RAP1A: variants seen among roughly 807,000 people sequenced by gnomAD.
RAP1A encodes the protein ras-related protein Rap-1A.
In RAP1A, 6 loss-of-function variants were observed where a neutral mutation model predicts 26.4. The observed-to-expected ratio is 0.23, with a 90% CI of 0.12 to 0.45. The LOEUF (loss-of-function observed/expected upper bound fraction) is 0.45. RAP1A is among the 20% of genes least tolerant of loss of function. The probability of loss-of-function intolerance (pLI) is 0.99; values close to 1 mark genes in which losing one functional copy is unlikely to be tolerated. For missense variants in RAP1A, 121 were observed against 217.2 expected (o/e 0.56, Z 2.78); for synonymous variants, 73 against 79.4 (o/e 0.92, Z 0.43).
intron 1 of RAP1A, among the ~76,000 whole-genome samples, chr1:111,689,733 G>C (rs1008724327): frequency 6.6e-6 from 1 of 151,972 alleles, no homozygotes; most frequent in African/African-American, 2.4e-5. Flanking sequence ...GCAGTGGCGC[G>C]ATCTCAGCTC....
rs59053038 is a variant in RAP1A, at chr1:111,632,921, CAA to C, written c.-28+13009_-28+13010del. On this transcript the variant is annotated intron_variant, in intron 1 of 7. Coordinates refer to ENST00000369709, the MANE Select transcript of RAP1A (RefSeq NM_002884.4). The stretch of plus-strand genomic sequence containing the variant: ...GGGCAACAAGAGCAAAACTTGGTCT[CAA>C]AAAAAAAAAAAAAAAAAAAAAGATA... Among the ~76,000 whole-genome samples the C allele has an allele frequency of 7.9e-3, 540 of 68,762 alleles. 2 individuals carry two copies. Among genetic ancestry groups the C allele is most frequent in the Non-Finnish European group, 0.011 (420 of 37,596 alleles). 45.1% of individuals were successfully genotyped at this position (68,762 alleles called of 152,430 possible). A position where few individuals can be genotyped will look rare whatever the true frequency, so the allele number is the denominator to read the frequency against.
intron 1 of RAP1A, among the ~76,000 whole-genome samples, chr1:111,636,559 C>T (rs1659735485): frequency 6.6e-6 from 1 of 151,554 alleles, no homozygotes; most frequent in African/African-American, 2.4e-5. Flanking sequence ...TCTCGGCTCA[C>T]TGCAACCTCC....
chr1:111,681,719 G>A (rs529439636), intron 1 of RAP1A, among the ~76,000 whole-genome samples: 9 of 152,268 alleles, frequency 5.9e-5, no homozygotes, highest in East Asian at 1.9e-4. Context: ...CCAAACCTAC[G>A]ATTGATTGGT....
intron 1 of RAP1A, among the ~76,000 whole-genome samples, chr1:111,543,141 C>G (rs889113511): frequency 6.6e-6 from 1 of 152,180 alleles, no homozygotes; most frequent in African/African-American, 2.4e-5. Flanking sequence ...GAGACACACA[C>G]ACAGCGCAGG....
At chr1:111,567,153 GAGAT>G (rs1304873440) in intron 1 of RAP1A, among the ~76,000 whole-genome samples, 1 of 152,068 alleles carries the variant, frequency 6.6e-6, no homozygotes, top group Non-Finnish European at 1.5e-5. Flanking sequence ...TTTAAAGCAG[GAGAT>G]AGATAAATAG....
intron 1 of RAP1A, among the ~76,000 whole-genome samples, chr1:111,585,971 G>A (rs998064026): frequency 3.3e-5 from 5 of 152,112 alleles, no homozygotes; most frequent in Admixed American, 3.3e-4. Context: ...GCATTGCTTG[G>A]TTGATTTTAG....
chr1:111,561,109 C>T (rs1316662198), intron 1 of RAP1A, among the ~76,000 whole-genome samples: 1 of 152,122 alleles, frequency 6.6e-6, no homozygotes, highest in Non-Finnish European at 1.5e-5. Context: ...CCTCCCTACA[C>T]AATTTTGTTT....
At chr1:111,694,310 A>G (rs1483144102) in intron 2 of RAP1A, among the ~76,000 whole-genome samples, 1 of 152,216 alleles carries the variant, frequency 6.6e-6, no homozygotes, top group Admixed American at 6.5e-5. Context: ...GAATAATAGA[A>G]GCTTAGTAGG....
chr1:111,703,251 CACTT>C (rs1662078346), intron 4 of RAP1A, 81 bp from the exon 5 acceptor site: 5 of 932,110 alleles, frequency 5.4e-6, no homozygotes, highest in Middle Eastern at 3.6e-4. Flanking sequence ...AAATGTTACT[CACTT>C]GTAATTATGC....
chr1:111,556,223 A>G (rs559061128), intron 1 of RAP1A, among the ~76,000 whole-genome samples: 1 of 152,330 alleles, frequency 6.6e-6, no homozygotes, highest in South Asian at 2.1e-4. Flanking sequence ...ATGAGATATC[A>G]CTTTACACTT....
intron 1 of RAP1A, among the ~76,000 whole-genome samples, chr1:111,592,966 G>T (rs1268319158): frequency 1.3e-5 from 2 of 152,186 alleles, no homozygotes; most frequent in African/African-American, 4.8e-5. Context: ...GAGGATCAGT[G>T]GGTGTGTTGG....
At chr1:111,621,666 C>G (rs1031771324) in intron 1 of RAP1A, among the ~76,000 whole-genome samples, 4 of 152,068 alleles carry the variant, frequency 2.6e-5, no homozygotes, top group Non-Finnish European at 5.9e-5. Flanking sequence ...AATTCTTAAC[C>G]TTTTCTAGGC....
intron 1 of RAP1A, among the ~76,000 whole-genome samples, chr1:111,680,115 C>T (rs1465022085): frequency 6.6e-6 from 1 of 152,184 alleles, no homozygotes; most frequent in Non-Finnish European, 1.5e-5. Context: ...CCCAGTGTGT[C>T]CAGAGTTGGT....
intron 1 of RAP1A, chr1:111,599,662 G>A (rs996326113): frequency 6.6e-6 from 1 of 152,230 alleles, no homozygotes; most frequent in Admixed American, 6.5e-5. Context: ...AAGGGGCTGT[G>A]AGCCACTAGC....
chr1:111,626,835 C>G (rs1659416299), intron 1 of RAP1A, among the ~76,000 whole-genome samples: 1 of 152,138 alleles, frequency 6.6e-6, no homozygotes, highest in Non-Finnish European at 1.5e-5. Context: ...GATTCTTTCT[C>G]TTGGAACATT....
chr1:111,641,688 C>T lies in RAP1A; in HGVS notation c.-28+21754C>T, dbSNP rs559318055. On this transcript the variant is annotated intron_variant, in intron 1 of 7. Coordinates refer to ENST00000369709, the MANE Select transcript of RAP1A (RefSeq NM_002884.4). Reference sequence around the variant, plus strand: ...ATAGGTCTTTGTAATCCTTTAAATTCTCTAAGAAATGTACCACCACAGATT... The same window carrying T: ...ATAGGTCTTTGTAATCCTTTAAATTTTCTAAGAAATGTACCACCACAGATT... Among the ~76,000 whole-genome samples the T allele has an allele frequency of 1.2e-4, 19 of 152,210 alleles. No homozygotes were observed. The South Asian group carries it at 3.7e-3, about 30-fold the overall frequency.
chr1:111,580,390 C>T (rs1241412327), intron 1 of RAP1A, among the ~76,000 whole-genome samples: 3 of 152,096 alleles, frequency 2.0e-5, no homozygotes, highest in Non-Finnish European at 4.4e-5. Flanking sequence ...ATAATAAGTT[C>T]TTTTTGAGAT....
chr1:111,678,180 T>G lies in RAP1A; in HGVS notation c.-27-13154T>G, dbSNP rs547202666. On this transcript the variant is annotated intron_variant, in intron 1 of 7. Coordinates refer to ENST00000369709, the MANE Select transcript of RAP1A (RefSeq NM_002884.4). ...GTCAGTTTCTACAAACACTGCTGAT[T>G]GAGTTTGCATTGAATCTGCAGATCA... Among the ~76,000 whole-genome samples the G allele has an allele frequency of 4.7e-4, 71 of 152,338 alleles. 1 individual carries two copies. The highest frequency in any genetic ancestry group is 4.0e-3 in the Admixed American group (61 of 15,304).
At chr1:111,641,730 A>T (rs1057203307) in intron 1 of RAP1A, among the ~76,000 whole-genome samples, 1 of 152,100 alleles carries the variant, frequency 6.6e-6, no homozygotes, top group Non-Finnish European at 1.5e-5. Flanking sequence ...TTATTCTAGT[A>T]TTGGTTCATC....
Sources: allele counts gnomAD v4.1 joint callset (sites outside exome capture counted in the v4.1 genomes callset), GRCh38; gene constraint gnomAD v4.1.1; transcripts MANE v1.5; gene names NCBI Gene and HGNC (gene_info 2026-07-23, HGNC 2026-07-21).